Variants in GLUD1 observed in about 807,000 individuals in gnomAD.
GLUD1 encodes glutamate dehydrogenase 1, mitochondrial.
GLUD1 carries 22 observed loss-of-function variants against 56.0 expected under a neutral mutation model. That is an observed-to-expected ratio of 0.39 (90% CI 0.28 to 0.56). The LOEUF (loss-of-function observed/expected upper bound fraction) is 0.56, where lower values mean the gene tolerates loss of function less well. GLUD1 is among the 20% of genes least tolerant of loss of function. The pLI is 0.58. For missense variants in GLUD1, 451 were observed against 732.0 expected (o/e 0.62, Z 4.43); for synonymous variants, 223 against 269.9 (o/e 0.83, Z 1.70).
rs1017362319 is a variant in GLUD1, at chr10:87,094,775, C to G, written c.-6G>C. On this transcript the variant is annotated 5_prime_UTR_variant, in exon 1 of 13. Coordinates refer to ENST00000277865, the MANE Select transcript of GLUD1 (RefSeq NM_005271.5). The surrounding 1 kb of genome is among the most constrained non-coding windows in gnomAD (Gnocchi z 6.6). ...TCGCCCAGGTAGCGGTACATGGCCA[C>G]AAGCGGAGGGGAGGTGCGTGATGGT... 6.5e-6 allele frequency: 10 copies of G among 1,534,532 alleles called. No individual in the cohort carries two copies. Among genetic ancestry groups the G allele is most frequent in the African/African-American group, 1.4e-5 (1 of 69,992 alleles).
chr10:87,087,354 G>C (rs1269060132), intron 1 of GLUD1, among the ~76,000 whole-genome samples: 1 of 152,150 alleles, frequency 6.6e-6, no homozygotes, highest in Non-Finnish European at 1.5e-5. Context: ...CCATCAGTTA[G>C]GGTTTGTATA....
intron 9 of GLUD1, 97 bp from the exon 10 acceptor site, chr10:87,059,370 G>A: frequency 8.3e-7 from 1 of 1,199,270 alleles, no homozygotes. Flanking sequence ...AAGGTAGACT[G>A]GACTTTAAAT....
chr10:87,056,142 CA>C (rs1212555487), intron 11 of GLUD1, among the ~76,000 whole-genome samples: 9 of 132,330 alleles, frequency 6.8e-5, no homozygotes, highest in Non-Finnish European at 9.7e-5. Flanking sequence ...AAAAAAAAAC[CA>C]AAAAAAAAGA....
intron 11 of GLUD1, among the ~76,000 whole-genome samples, chr10:87,057,394 T>C (rs1374512509): frequency 6.6e-6 from 1 of 152,224 alleles, no homozygotes; most frequent in African/African-American, 2.4e-5. Context: ...TGCTTTTCAA[T>C]TCTTCCTATT....
intron 1 of GLUD1, among the ~76,000 whole-genome samples, chr10:87,078,078 AATTT>A (rs537997529): frequency 1.3e-5 from 2 of 152,192 alleles, no homozygotes; most frequent in Admixed American, 6.5e-5. Flanking sequence ...GTTTTAAGAT[AATTT>A]ATTTATTGTA....
intron 12 of GLUD1, 21 bp from the exon 13 acceptor site, chr10:87,051,891 C>A: frequency 6.2e-7 from 1 of 1,613,954 alleles, no homozygotes; most frequent in South Asian, 1.1e-5. Context: ...AGAGAAAATG[C>A]AGTGAAGATG....
At chr10:87,063,214 C>T (rs2133801530) in intron 5 of GLUD1, among the ~76,000 whole-genome samples, 1 of 152,186 alleles carries the variant, frequency 6.6e-6, no homozygotes, top group African/African-American at 2.4e-5. Flanking sequence ...GCTGGTATTC[C>T]AGGCACGTGC....
intron 5 of GLUD1, among the ~76,000 whole-genome samples, chr10:87,064,365 C>A (rs989137946): frequency 6.6e-6 from 1 of 152,126 alleles, no homozygotes; most frequent in African/African-American, 2.4e-5. Flanking sequence ...AGAGTAAACT[C>A]ATCGGTGGAG....
intron 3 of GLUD1, among the ~76,000 whole-genome samples, chr10:87,075,667 A>G (rs1435001706): frequency 1.3e-5 from 2 of 152,174 alleles, no homozygotes; most frequent in Non-Finnish European, 2.9e-5. Flanking sequence ...CATGCCTGCA[A>G]TCCTAGCACT....
intron 1 of GLUD1, chr10:87,093,988 T>C (rs1203733129): frequency 4.9e-5 from 71 of 1,434,564 alleles, no homozygotes; most frequent in Non-Finnish European, 6.4e-5. Flanking sequence ...TTCCCTTTCC[T>C]AGAAGTGCAT....
chr10:87,090,191 A>G (rs1182031011), intron 1 of GLUD1, among the ~76,000 whole-genome samples: 1 of 152,222 alleles, frequency 6.6e-6, no homozygotes, highest in African/African-American at 2.4e-5. Context: ...TATTTTTAAC[A>G]TAAGTAAATA....
chr10:87,073,168 G>C (rs1349553506), intron 4 of GLUD1, among the ~76,000 whole-genome samples: 1 of 151,942 alleles, frequency 6.6e-6, no homozygotes, highest in Non-Finnish European at 1.5e-5. Flanking sequence ...TTCTTCTTGA[G>C]ATGTGGTCTC....
intron 11 of GLUD1, among the ~76,000 whole-genome samples, chr10:87,057,159 T>G (rs1317843088): frequency 2.0e-5 from 3 of 152,128 alleles, no homozygotes; most frequent in African/African-American, 7.2e-5. Context: ...CCTGGCTAAT[T>G]TTTGTATTTT....
intron 1 of GLUD1, among the ~76,000 whole-genome samples, chr10:87,080,746 C>T (rs1344416264): frequency 2.6e-5 from 4 of 151,840 alleles, no homozygotes; most frequent in Non-Finnish European, 5.9e-5. Flanking sequence ...GCCTGGCAGC[C>T]GCCCCGTCTG....
At chr10:87,085,496 A>G (rs529628459) in intron 1 of GLUD1, among the ~76,000 whole-genome samples, 1 of 152,336 alleles carries the variant, frequency 6.6e-6, no homozygotes, top group South Asian at 2.1e-4. Flanking sequence ...TTGAAGAGGT[A>G]ACTAAGCTTT....
Position 87,062,775 on chromosome 10 carries a change from G to T in GLUD1, c.802C>A (p.Arg268Ser), listed in dbSNP as rs1206370262. The T allele has an allele frequency of 4.3e-6, 7 of 1,614,098 alleles. No individual in the cohort carries two copies. Among genetic ancestry groups the T allele is most frequent in the Non-Finnish European group, 5.9e-6 (7 of 1,180,004 alleles). The change falls in exon 6 of 13, where the codon CGC becomes AGC. Residue 268 changes from arginine to serine, a missense_variant. Physicochemically the swap from Arg to Ser is moderately radical, Grantham distance 110. Coordinates refer to ENST00000277865, the MANE Select transcript of GLUD1 (RefSeq NM_005271.5). ...ACACCACGGCCAGTAGCAGAGATGC[G>T]TCCATGGATTCCCCCTTGGCTGATG... Reference protein sequence around the residue: ...KPISQGGIHGRISATGRGVFH... With the variant: ...KPISQGGIHGSISATGRGVFH...
chr10:87,077,970 T>C (rs1846447779), intron 1 of GLUD1, among the ~76,000 whole-genome samples: 1 of 152,146 alleles, frequency 6.6e-6, no homozygotes, highest in African/African-American at 2.4e-5. Context: ...AAATATACAA[T>C]ATCTCATGGA....
At chr10:87,053,540 C>T in intron 11 of GLUD1, 136 bp from the exon 12 acceptor site, 1 of 708,184 alleles carries the variant, frequency 1.4e-6, no homozygotes, top group Admixed American at 2.0e-5. Context: ...TATGTCATTT[C>T]TGCACAGTAT....
chr10:87,052,669 CAAAAAAAAAAAAA>C (rs751155208), intron 12 of GLUD1, among the ~76,000 whole-genome samples: 1 of 41,746 alleles, frequency 2.4e-5, no homozygotes, highest in South Asian at 1.9e-3. Flanking sequence ...AACTCCGTCT[CAAAAAAAAAAAAA>C]AAAAAAAAAA....
Sources: gnomAD v4.1 joint callset for allele counts (sites outside exome capture counted in the v4.1 genomes callset) on GRCh38, gnomAD v4.1.1 for gene constraint, Gnocchi (gnomAD v3.1) non-coding constraint, MANE v1.5 for transcripts, NCBI Gene and HGNC (gene_info 2026-07-23, HGNC 2026-07-21) for gene names.